Variants in CADM1 observed in about 807,000 individuals in gnomAD.
CADM1 encodes TSLC-1.
In CADM1, 15 loss-of-function variants were observed where a neutral mutation model predicts 53.1. The observed-to-expected ratio is 0.28, with a 90% CI of 0.19 to 0.44. CADM1 has a LOEUF of 0.44. CADM1 is among the 20% of genes least tolerant of loss of function. The pLI is 1.00. For synonymous variants in CADM1, 281 were observed against 243.0 expected, an observed-to-expected ratio of 1.16 and a Z score of -1.45; for missense variants, 434 against 611.3, an observed-to-expected ratio of 0.71 and a Z score of 3.06.
At chr11:115,348,052 T>C (rs2135047878) in intron 1 of CADM1, among the ~76,000 whole-genome samples, 1 of 152,332 alleles carries the variant, frequency 6.6e-6, no homozygotes, top group African/African-American at 2.4e-5. Context: ...TTATTCATTT[T>C]TGGAAGTTAA....
chr11:115,190,652 C>T, intron 10 of CADM1: 1 of 519,700 alleles, frequency 1.9e-6, no homozygotes, highest in Non-Finnish European at 3.4e-6. Context: ...CCAAAGGTAA[C>T]TTGTCCTCTC....
intron 1 of CADM1, among the ~76,000 whole-genome samples, chr11:115,308,211 T>TATATATATATATACACATAC (rs139012671): frequency 5.0e-5 from 7 of 139,384 alleles, no homozygotes; most frequent in African/African-American, 1.9e-4. Flanking sequence ...TATATATATA[T>TATATATATATATACACATAC]ACACACCTAT....
At chr11:115,434,964 G>A (rs1426411076) in intron 1 of CADM1, among the ~76,000 whole-genome samples, 2 of 150,666 alleles carry the variant, frequency 1.3e-5, no homozygotes, top group African/African-American at 4.9e-5. Context: ...GGGTTCAAGC[G>A]ATTCTCCTGC....
chr11:115,343,719 T>A (rs1264988401), intron 1 of CADM1, among the ~76,000 whole-genome samples: 5 of 137,846 alleles, frequency 3.6e-5, no homozygotes, highest in Non-Finnish European at 1.6e-5. Flanking sequence ...ATACAGATTG[T>A]AAAAAAAAAA....
chr11:115,176,156 C>G lies in CADM1; in HGVS notation c.*318G>C. Reference sequence around the variant, plus strand: ...CACAAAGGGGGAAAAGAAAGGAACGCAACAAACAAACAAAAAACAAGGCAC... The same window carrying G: ...CACAAAGGGGGAAAAGAAAGGAACGGAACAAACAAACAAAAAACAAGGCAC... On this transcript the variant is annotated 3_prime_UTR_variant, in exon 12 of 12. Transcript: ENST00000331581. The G allele has an allele frequency of 8.5e-7, 1 of 1,176,128 alleles. No homozygotes were observed. The highest frequency in any genetic ancestry group is 1.1e-6 in the Non-Finnish European group (1 of 937,966). 72.9% of individuals were successfully genotyped at this position (1,176,128 alleles called of 1,614,324 possible). A position where few individuals can be genotyped will look rare whatever the true frequency, so the allele number is the denominator to read the frequency against.
At chr11:115,468,871 C>T (rs1309255106) in intron 1 of CADM1, among the ~76,000 whole-genome samples, 2 of 152,160 alleles carry the variant, frequency 1.3e-5, no homozygotes, top group Non-Finnish European at 2.9e-5. Context: ...ACAATCATGG[C>T]AGAAGGCAAA....
chr11:115,365,918 G>A (rs558242548), intron 1 of CADM1, among the ~76,000 whole-genome samples: 110 of 152,254 alleles, frequency 7.2e-4, no homozygotes, highest in African/African-American at 2.5e-3. Flanking sequence ...TGTCCCACAC[G>A]GTCACAATTA....
chr11:115,207,622 C>T (rs140024364), intron 8 of CADM1, among the ~76,000 whole-genome samples: 3 of 151,932 alleles, frequency 2.0e-5, no homozygotes, highest in Admixed American at 1.3e-4. Flanking sequence ...GAAGGCCAGC[C>T]GCAAATGAAA....
intron 6 of CADM1, among the ~76,000 whole-genome samples, chr11:115,215,436 A>C (rs1941139485): frequency 6.6e-6 from 1 of 152,038 alleles, no homozygotes; most frequent in African/African-American, 2.4e-5. Flanking sequence ...TTCCTTGGCA[A>C]ATTGCCTTCT....
In CADM1 at chr11:115,207,853, G is replaced by A. The variant is rs1211340645; in HGVS notation, c.1078+1721C>T. Among the ~76,000 whole-genome samples the A allele has an allele frequency of 5.3e-5, 8 of 152,118 alleles. No homozygotes were observed. In the South Asian group the frequency reaches 8.3e-4, roughly 16 times the overall value. ...TATATGTAGGGCAATGGAGAATTACGCAGTATATTTTACACTAGTATCTAA... is the reference window on the plus strand; with the variant it reads ...TATATGTAGGGCAATGGAGAATTACACAGTATATTTTACACTAGTATCTAA... On this transcript the variant is annotated intron_variant, in intron 8 of 11. Transcript: ENST00000331581.
chr11:115,177,742 G>A (rs1297212842), intron 11 of CADM1, among the ~76,000 whole-genome samples: 2 of 151,398 alleles, frequency 1.3e-5, no homozygotes, highest in Middle Eastern at 3.2e-3. Context: ...GGCAGAGGGC[G>A]AAGTATGGAC....
intron 1 of CADM1, among the ~76,000 whole-genome samples, chr11:115,473,183 GC>G (rs1161122049): frequency 2.0e-5 from 3 of 152,208 alleles, no homozygotes; most frequent in Non-Finnish European, 2.9e-5. Context: ...AGCAGGCCGG[GC>G]ATGATGGCTC....
intron 3 of CADM1, 91 bp downstream of exon 3, chr11:115,238,409 C>T: frequency 1.5e-6 from 2 of 1,357,120 alleles, no homozygotes; most frequent in African/African-American, 1.4e-5. Flanking sequence ...CAAGTTTGAA[C>T]AGGAGAATTC....
At chr11:115,485,439 A>G (rs1949352891) in intron 1 of CADM1, among the ~76,000 whole-genome samples, 1 of 152,228 alleles carries the variant, frequency 6.6e-6, no homozygotes, top group African/African-American at 2.4e-5. Context: ...CCATCTTGAT[A>G]TGGTTTGGCT....
At chr11:115,351,610 T>C (rs934481249) in intron 1 of CADM1, among the ~76,000 whole-genome samples, 1 of 152,164 alleles carries the variant, frequency 6.6e-6, no homozygotes, top group African/African-American at 2.4e-5. Context: ...GCAAACAAAA[T>C]ACAGAACTCT....
At chr11:115,317,603 T>C (rs1435954519) in intron 1 of CADM1, among the ~76,000 whole-genome samples, 3 of 152,328 alleles carry the variant, frequency 2.0e-5, no homozygotes, top group South Asian at 4.1e-4. Flanking sequence ...GGCTAATGAC[T>C]GTTCTTCATC....
intron 1 of CADM1, among the ~76,000 whole-genome samples, chr11:115,366,520 C>T (rs1215876619): frequency 1.3e-5 from 2 of 152,148 alleles, no homozygotes; most frequent in African/African-American, 4.8e-5. Context: ...TTTGTATATG[C>T]AGAGAGTTGC....
chr11:115,262,969 C>T lies in CADM1; in HGVS notation c.125-22549G>A, dbSNP rs532404487. On this transcript the variant is annotated intron_variant, in intron 1 of 11. Coordinates refer to ENST00000331581, the MANE Select transcript of CADM1 (RefSeq NM_001301043.2). ...CTAAGAGATGAATGTTGGTACAACA[C>T]TGCATGATTGTGACAGTTTGAAGAG... 2.6e-5 allele frequency among the ~76,000 whole-genome samples: 4 copies of T among 152,346 alleles called. No homozygotes were observed. The South Asian group carries it at 8.3e-4, about 32-fold the overall frequency.
Position 115,173,809 on chromosome 11 carries a change from T to G in CADM1, c.*2665A>C. The G allele has an allele frequency of 1.0e-6, 1 of 984,302 alleles. No individual in the cohort carries two copies. Among genetic ancestry groups the G allele is most frequent in the Non-Finnish European group, 1.2e-6 (1 of 829,070 alleles). The allele number at this position is 984,302 out of a possible 1,614,324, so 61.0% of individuals were successfully genotyped here. ...GTACACCTTAAAAACAGAACTGGCC[T>G]AAAGGGAAAAATAAGACGTCGGTGT... On this transcript the variant is annotated 3_prime_UTR_variant, in exon 12 of 12. Transcript: ENST00000331581.
Sources: allele counts gnomAD v4.1 joint callset (sites outside exome capture counted in the v4.1 genomes callset), GRCh38; gene constraint gnomAD v4.1.1; transcripts MANE v1.5; gene names NCBI Gene and HGNC (gene_info 2026-07-23, HGNC 2026-07-21).